Variants in SPECC1 observed in about 807,000 individuals in gnomAD.
SPECC1 encodes the protein cytospin-B.
In SPECC1, 62 loss-of-function variants were observed where a neutral mutation model predicts 104.1. That is an observed-to-expected ratio of 0.60 (90% CI 0.49 to 0.74). SPECC1 has a LOEUF of 0.74. SPECC1 is among the 30% of genes least tolerant of loss of function. SPECC1 has a pLI of 0.00. For missense variants in SPECC1, 1,306 were observed against 1,310.5 expected, an observed-to-expected ratio of 1.00 and a Z score of 0.05; for synonymous variants, 513 against 501.6, an observed-to-expected ratio of 1.02 and a Z score of -0.30.
At chr17:20,260,060 C>A in intron 11 of SPECC1, 132 bp from the exon 12 acceptor site, 1 of 565,292 alleles carries the variant, frequency 1.8e-6, no homozygotes, top group Non-Finnish European at 3.0e-6. Context: ...GTGACTAATT[C>A]GGCTGTTTCT....
chr17:20,028,235 G>T (rs2044672703), intron 1 of SPECC1, among the ~76,000 whole-genome samples: 2 of 129,884 alleles, frequency 1.5e-5, no homozygotes, highest in South Asian at 2.5e-4. Context: ...GCCTATAATC[G>T]CAGCACTTTA....
chr17:20,193,555 TAG>T (rs1266078499), intron 3 of SPECC1, among the ~76,000 whole-genome samples: 1 of 151,934 alleles, frequency 6.6e-6, no homozygotes. Context: ...ACATTCAGAG[TAG>T]AGAGGAGCAG....
At chr17:20,222,019 T>TG (rs1042996819) in intron 4 of SPECC1, among the ~76,000 whole-genome samples, 5 of 151,630 alleles carry the variant, frequency 3.3e-5, no homozygotes, top group African/African-American at 9.7e-5. Context: ...GATTTCAGTT[T>TG]TTTTTTTTTT....
intron 1 of SPECC1, among the ~76,000 whole-genome samples, chr17:20,093,782 G>A (rs541330034): frequency 6.0e-5 from 9 of 149,196 alleles, no homozygotes; most frequent in Admixed American, 5.4e-4. Flanking sequence ...CCAGGCTGGA[G>A]TGCAGTAGCT....
intron 14 of SPECC1, among the ~76,000 whole-genome samples, chr17:20,312,025 C>A (rs2041946853): frequency 6.6e-6 from 1 of 152,118 alleles, no homozygotes; most frequent in South Asian, 2.1e-4. Context: ...ATGTATTATA[C>A]TTTTATAGGT....
chr17:20,315,515 T>C lies in SPECC1; in HGVS notation c.*1450T>C, dbSNP rs1292114995. On this transcript the variant is annotated 3_prime_UTR_variant, in exon 15 of 15. Coordinates refer to ENST00000395527, the MANE Select transcript of SPECC1 (RefSeq NM_001243439.2). ...GAAATGGGTAATGCCCATCCCTTGC[T>C]GTTTTAAGTGCCAAATAGCGTGTTA... 5.2e-5 allele frequency: 12 copies of C among 232,788 alleles called. No individual in the cohort carries two copies. The highest frequency in any genetic ancestry group is 8.5e-5 in the Non-Finnish European group (10 of 117,846). 14.4% of individuals were successfully genotyped at this position (232,788 alleles called of 1,614,324 possible). A position where few individuals can be genotyped will look rare whatever the true frequency, so the allele number is the denominator to read the frequency against.
chr17:20,299,571 A>G (rs982573023), intron 13 of SPECC1, among the ~76,000 whole-genome samples: 9 of 118,488 alleles, frequency 7.6e-5, no homozygotes, highest in South Asian at 5.1e-4. Flanking sequence ...AAAAAAAAAA[A>G]AAAAAAAAGA....
chr17:20,156,362 G>T (rs778575429), intron 3 of SPECC1: 45 of 1,083,642 alleles, frequency 4.2e-5, no homozygotes, highest in Non-Finnish European at 4.8e-5. Flanking sequence ...CCTGGGGTGT[G>T]ATTCTTGTCG....
intron 3 of SPECC1, among the ~76,000 whole-genome samples, chr17:20,144,905 A>C (rs982226468): frequency 6.6e-6 from 1 of 152,182 alleles, no homozygotes; most frequent in East Asian, 1.9e-4. Flanking sequence ...TTTTGTGTGT[A>C]TAGTTTTATA....
At chr17:20,270,556 C>A (rs1054614053) in intron 12 of SPECC1, among the ~76,000 whole-genome samples, 1 of 150,448 alleles carries the variant, frequency 6.6e-6, no homozygotes, top group Non-Finnish European at 1.5e-5. Context: ...AAGTTCAAGG[C>A]CTCCGTGAGC....
chr17:20,094,290 G>A (rs1432800234), intron 1 of SPECC1, among the ~76,000 whole-genome samples: 1 of 152,174 alleles, frequency 6.6e-6, no homozygotes, highest in Non-Finnish European at 1.5e-5. Flanking sequence ...CCTGGACAGT[G>A]CTGCCTCAGA....
chr17:20,099,709 AAAAAAAAAAAAC>A (rs1384110906), intron 2 of SPECC1, among the ~76,000 whole-genome samples: 7 of 148,808 alleles, frequency 4.7e-5, no homozygotes, highest in African/African-American at 1.5e-4. Flanking sequence ...AAAAAAAAAA[AAAAAAAAAAAAC>A]CCACAAAATA....
chr17:20,207,913 TTTA>T (rs1415414080), intron 4 of SPECC1, among the ~76,000 whole-genome samples: 1 of 152,224 alleles, frequency 6.6e-6, no homozygotes, highest in Non-Finnish European at 1.5e-5. Context: ...TACTTTTATC[TTTA>T]TTAATTTTTT....
intron 12 of SPECC1, among the ~76,000 whole-genome samples, chr17:20,295,128 A>G (rs1467694370): frequency 1.3e-5 from 2 of 150,930 alleles, no homozygotes; most frequent in Non-Finnish European, 3.0e-5. Context: ...CCATTAACTC[A>G]TCATTTACAT....
intron 7 of SPECC1, among the ~76,000 whole-genome samples, chr17:20,241,464 G>A (rs1164923961): frequency 6.6e-6 from 1 of 152,120 alleles, no homozygotes; most frequent in East Asian, 1.9e-4. Flanking sequence ...CTAGGGTGGG[G>A]GACATTAGTT....
intron 7 of SPECC1, among the ~76,000 whole-genome samples, chr17:20,242,640 C>T (rs2039253529): frequency 6.6e-6 from 1 of 152,164 alleles, no homozygotes; most frequent in Non-Finnish European, 1.5e-5. Flanking sequence ...GAAATACCAT[C>T]AGTATTATTT....
At chr17:20,074,661 T>G (rs1303509324) in intron 1 of SPECC1, among the ~76,000 whole-genome samples, 1 of 152,048 alleles carries the variant, frequency 6.6e-6, no homozygotes, top group African/African-American at 2.4e-5. Flanking sequence ...TTCTGCTCCT[T>G]TACAGCTCAG....
At chr17:20,296,831 G>T (rs2041367290) in intron 12 of SPECC1, 130 bp from the exon 13 acceptor site, 5 of 764,830 alleles carry the variant, frequency 6.5e-6, no homozygotes, top group Non-Finnish European at 1.1e-5. Context: ...TCTGTTATTG[G>T]TGTATAGGAA....
At chr17:20,146,865 C>T (rs534166833) in intron 3 of SPECC1, among the ~76,000 whole-genome samples, 341 of 152,174 alleles carry the variant, frequency 2.2e-3, no homozygotes, top group African/African-American at 8.0e-3. Context: ...GAGATTGCAC[C>T]ACTGCACTCC....
Sources: gnomAD v4.1 joint callset for allele counts (sites outside exome capture counted in the v4.1 genomes callset) on GRCh38, gnomAD v4.1.1 for gene constraint, MANE v1.5 for transcripts, NCBI Gene and HGNC (gene_info 2026-07-23, HGNC 2026-07-21) for gene names.